Variants in TENM2 observed in about 807,000 individuals in gnomAD.
The protein encoded by TENM2 is teneurin transmembrane protein 2.
TENM2 carries 52 observed loss-of-function variants against 245.2 expected under a neutral mutation model. The ratio of observed to expected loss-of-function variants is 0.21; its 90% confidence interval spans 0.17 to 0.27. The LOEUF (loss-of-function observed/expected upper bound fraction) is 0.27, where lower values mean the gene tolerates loss of function less well. Ranked by LOEUF, TENM2 falls within the 10% of genes least tolerant of loss-of-function variation. The pLI, the probability that TENM2 is intolerant of heterozygous loss-of-function variation, is 1.00. For missense variants in TENM2, 3,046 were observed against 3,666.8 expected (o/e 0.83, Z 4.37); for synonymous variants, 1,363 against 1,438.9 (o/e 0.95, Z 1.19).
intron 3 of TENM2, among the ~76,000 whole-genome samples, chr5:167,927,053 C>T (rs985222285): frequency 2.0e-5 from 3 of 151,918 alleles, no homozygotes; most frequent in African/African-American, 7.3e-5. Context: ...ATTTGGACTT[C>T]TTGTAGGTAG....
At chr5:168,192,204 G>A (rs1346826507) in intron 14 of TENM2, among the ~76,000 whole-genome samples, 1 of 152,094 alleles carries the variant, frequency 6.6e-6, no homozygotes, top group Non-Finnish European at 1.5e-5. Context: ...GAGGCAAGAA[G>A]CCAGGAAGAA....
chr5:167,566,624 G>A (rs1183508474), intron 2 of TENM2, among the ~76,000 whole-genome samples: 2 of 152,132 alleles, frequency 1.3e-5, no homozygotes, highest in African/African-American at 4.8e-5. Flanking sequence ...TGATGAATAC[G>A]TTCAAGGCTG....
chr5:167,484,668 A>C (rs1767955952), intron 2 of TENM2, among the ~76,000 whole-genome samples: 1 of 152,210 alleles, frequency 6.6e-6, no homozygotes, highest in South Asian at 2.1e-4. Context: ...ACAATGAACT[A>C]CATTAAAACA....
intron 2 of TENM2, among the ~76,000 whole-genome samples, chr5:167,412,576 G>A (rs544695050): frequency 1.3e-5 from 2 of 152,174 alleles, no homozygotes; most frequent in East Asian, 3.9e-4. Context: ...CTTAGAAGTA[G>A]CAAAAGAAAT....
intron 13 of TENM2, among the ~76,000 whole-genome samples, chr5:168,181,975 C>A (rs1759942488): frequency 6.6e-6 from 1 of 152,160 alleles, no homozygotes; most frequent in African/African-American, 2.4e-5. Context: ...CCGCACCCAG[C>A]CCAGTTTTAC....
At chr5:167,961,082 A>G (rs1780977688) in intron 4 of TENM2, among the ~76,000 whole-genome samples, 1 of 152,208 alleles carries the variant, frequency 6.6e-6, no homozygotes, top group African/African-American at 2.4e-5. Context: ...TTAGAAATGC[A>G]GAAATCACCT....
intron 2 of TENM2, among the ~76,000 whole-genome samples, chr5:167,409,368 C>CA (rs1400407350): frequency 6.6e-6 from 1 of 151,780 alleles, no homozygotes; most frequent in East Asian, 1.9e-4. Context: ...TAAACTTTAA[C>CA]AAAAAAGTTG....
At chr5:168,237,000 A>ATTTTTTT (rs1167021328) in intron 25 of TENM2, among the ~76,000 whole-genome samples, 1 of 6,320 alleles carries the variant, frequency 1.6e-4, no homozygotes, top group Non-Finnish European at 2.3e-4. Flanking sequence ...ATATATATAT[A>ATTTTTTT]TTTTTTTTTT....
chr5:167,521,316 A>C (rs891952875), intron 2 of TENM2, among the ~76,000 whole-genome samples: 5 of 152,058 alleles, frequency 3.3e-5, no homozygotes, highest in South Asian at 4.1e-4. Context: ...TTTTTTCCTT[A>C]AGGCAAGATT....
intron 12 of TENM2, among the ~76,000 whole-genome samples, chr5:168,128,090 G>A (rs1164669581): frequency 6.6e-6 from 1 of 152,216 alleles, no homozygotes; most frequent in East Asian, 1.9e-4. Flanking sequence ...CTCTGTATTC[G>A]ATTTCTTCCG....
intron 25 of TENM2, among the ~76,000 whole-genome samples, chr5:168,229,085 ATAT>A (rs1323907650): frequency 1.3e-5 from 2 of 149,276 alleles, no homozygotes; most frequent in East Asian, 1.9e-4. Flanking sequence ...TATAATTATA[ATAT>A]TATAATGTAA....
At chr5:167,396,537 A>G (rs981603638) in intron 2 of TENM2, among the ~76,000 whole-genome samples, 4 of 152,160 alleles carry the variant, frequency 2.6e-5, no homozygotes, top group Non-Finnish European at 5.9e-5. Flanking sequence ...TGGTGATAAA[A>G]TCTGATGGCA....
At chr5:166,998,890 G>T in the TENM2 span, among the ~76,000 whole-genome samples, 1 of 151,928 alleles carries the variant, frequency 6.6e-6, no homozygotes, top group African/African-American at 2.4e-5. Flanking sequence ...TCTATACTTT[G>T]CTTCAAAATA....
chr5:167,153,247 A>C, the TENM2 span, among the ~76,000 whole-genome samples: 1 of 152,058 alleles, frequency 6.6e-6, no homozygotes, highest in African/African-American at 2.4e-5. Context: ...TGTGAACCAG[A>C]AACCTTACCG....
At chr5:167,318,999 G>C (rs1756549857) in intron 1 of TENM2, among the ~76,000 whole-genome samples, 1 of 152,150 alleles carries the variant, frequency 6.6e-6, no homozygotes, top group Non-Finnish European at 1.5e-5. Context: ...AAGGCAACTT[G>C]TCATTCGAGG....
intron 5 of TENM2, among the ~76,000 whole-genome samples, chr5:168,017,908 T>C (rs1785800534): frequency 6.6e-6 from 1 of 152,206 alleles, no homozygotes; most frequent in Non-Finnish European, 1.5e-5. Context: ...GTCACTTTCT[T>C]CTTGACATAA....
chr5:167,067,128 T>C, the TENM2 span, among the ~76,000 whole-genome samples: 1 of 152,216 alleles, frequency 6.6e-6, no homozygotes, highest in Admixed American at 6.5e-5. Context: ...CTGTATAAAA[T>C]TGGTCTCGTA....
chr5:167,967,956 C>T (rs545442343), intron 4 of TENM2, among the ~76,000 whole-genome samples: 1 of 152,314 alleles, frequency 6.6e-6, no homozygotes, highest in African/African-American at 2.4e-5. Context: ...TGATCCTTTT[C>T]TTTTCGCAGA....
chr5:168,043,879 T>G (rs1051404714), intron 5 of TENM2, among the ~76,000 whole-genome samples: 1 of 152,082 alleles, frequency 6.6e-6, no homozygotes, highest in Non-Finnish European at 1.5e-5. Flanking sequence ...TTATTATGAG[T>G]TTTGAAACAA....
Sources: gnomAD v4.1 joint callset for allele counts (sites outside exome capture counted in the v4.1 genomes callset) on GRCh38, gnomAD v4.1.1 for gene constraint, MANE v1.5 for transcripts, NCBI Gene and HGNC (gene_info 2026-07-23, HGNC 2026-07-21) for gene names.